The following RAB43 variants were observed in gnomAD, a reference collection of about 807,000 sequenced individuals.
The protein encoded by RAB43 is ras-related protein Rab-43.
In RAB43, 6 loss-of-function variants were observed where a neutral mutation model predicts 18.8. That is an observed-to-expected ratio of 0.32 (90% CI 0.17 to 0.63). The LOEUF (loss-of-function observed/expected upper bound fraction) is 0.63. RAB43 is among the 30% of genes least tolerant of loss of function. RAB43 has a pLI of 0.79. For synonymous variants in RAB43, 103 were observed against 124.1 expected (o/e 0.83, Z 1.13); for missense variants, 195 against 289.1 (o/e 0.67, Z 2.36).
In RAB43 at chr3:129,121,636, G is replaced by A; in HGVS notation, c.-147C>T. 1 of 571,834 alleles carries A rather than the reference G, an allele frequency of 1.7e-6. No homozygotes were observed. The highest frequency in any genetic ancestry group is 2.8e-6 in the Non-Finnish European group (1 of 358,594). The allele number at this position is 571,834 out of a possible 1,614,324, so 35.4% of individuals were successfully genotyped here. On this transcript the variant is annotated 5_prime_UTR_variant, in exon 1 of 3. Coordinates refer to ENST00000315150, the MANE Select transcript of RAB43 (RefSeq NM_198490.3). ...CAACACCTGAACCCCCAGCACTGCC[G>A]ACCGCCTGCCTCGGCCTCGGCCCCG...
chr3:129,097,982 G>C (rs1430229599), intron 1 of RAB43, among the ~76,000 whole-genome samples: 2 of 152,124 alleles, frequency 1.3e-5, no homozygotes, highest in Non-Finnish European at 2.9e-5. Flanking sequence ...AGAGATCAGG[G>C]TCTGGAGCAG....
At chr3:129,100,766 T>G (rs140454445) in intron 1 of RAB43, among the ~76,000 whole-genome samples, 1 of 152,218 alleles carries the variant, frequency 6.6e-6, no homozygotes, top group Non-Finnish European at 1.5e-5. Context: ...CATGACCTGA[T>G]GCTCTGTCAC....
chr3:129,121,068 G>C (rs1405365827), intron 1 of RAB43, among the ~76,000 whole-genome samples: 41 of 82,148 alleles, frequency 5.0e-4, no homozygotes, highest in African/African-American at 1.4e-3. Context: ...ACACTCCCTC[G>C]CCCCCCCCCC....
At chr3:129,114,151 A>C (rs1935345913) in intron 1 of RAB43, among the ~76,000 whole-genome samples, 1 of 152,214 alleles carries the variant, frequency 6.6e-6, no homozygotes, top group South Asian at 2.1e-4. Context: ...TCTGTCATTC[A>C]CACTGGCCAT....
intron 1 of RAB43, among the ~76,000 whole-genome samples, chr3:129,115,369 C>A (rs570812515): frequency 6.6e-6 from 1 of 151,464 alleles, no homozygotes; most frequent in East Asian, 1.9e-4. Flanking sequence ...CCAGGCACAG[C>A]GGTGCATGCC....
rs1252371954 is a variant in RAB43 at position 129,095,015 on chromosome 3, G to A, written c.359C>T (p.Ala120Val). The A allele has an allele frequency of 5.6e-6, 9 of 1,611,288 alleles. No homozygotes were observed. Among genetic ancestry groups the A allele is most frequent in the East Asian group, 2.2e-5 (1 of 44,864 alleles). Residue 120 changes from alanine (A) to valine (V), a missense_variant, in exon 2 of 3, where the codon GCG becomes GTG. Coordinates refer to ENST00000315150, the MANE Select transcript of RAB43 (RefSeq NM_198490.3). The surrounding 1 kb of genome is among the most constrained non-coding windows in gnomAD (Gnocchi z 4.2). ...CAGCAGCTGCACAATGTTGGAGCCCGCATACTTCCTCACATCCTCAATCCA... is the reference window on the plus strand; with the variant it reads ...CAGCAGCTGCACAATGTTGGAGCCCACATACTTCCTCACATCCTCAATCCA... ...PHWIEDVRKY[A>V]GSNIVQLLIG...
intron 1 of RAB43, among the ~76,000 whole-genome samples, chr3:129,114,043 AAAAG>A (rs1281520818): frequency 2.0e-5 from 3 of 152,160 alleles, no homozygotes; most frequent in Non-Finnish European, 2.9e-5. Flanking sequence ...AAAGAAAAAA[AAAAG>A]AAAGATCTGG....
At position 129,089,938 on chromosome 3, in the gene RAB43, C is replaced by G. The variant is rs182047592; in HGVS notation, c.*1158G>C. ...GCTGACACAGACGGACTGGGATTGG[C>G]TAAGGAAGATCACCTGGCCCCTCCA... On this transcript the variant is annotated 3_prime_UTR_variant, in exon 3 of 3. Transcript: ENST00000315150. The G allele has an allele frequency of 1.2e-4, 18 of 150,604 alleles. No homozygotes were observed. Among genetic ancestry groups the G allele is most frequent in the African/African-American group, 3.4e-4 (14 of 40,832 alleles). 9.3% of individuals were successfully genotyped at this position (150,604 alleles called of 1,614,324 possible).
chr3:129,092,828 C>T (rs959028278), intron 2 of RAB43, among the ~76,000 whole-genome samples: 4 of 151,184 alleles, frequency 2.6e-5, no homozygotes, highest in Non-Finnish European at 4.4e-5. Flanking sequence ...TGGTGGCGGG[C>T]GCCTGTGGTC....
In RAB43 at chr3:129,104,948, C is replaced by G. The variant is rs376868436; in HGVS notation, c.205-9779G>C. 4.6e-5 allele frequency among the ~76,000 whole-genome samples: 7 copies of G among 152,284 alleles called. No homozygotes were observed. The East Asian group carries it at 9.6e-4, about 21-fold the overall frequency. Reference sequence around the variant, plus strand: ...GGTCCAACCCTGAGCAGAATTAACTCTTCTTTCCTTCATGTTCCCATAGCT... The same window carrying G: ...GGTCCAACCCTGAGCAGAATTAACTGTTCTTTCCTTCATGTTCCCATAGCT... On this transcript the variant is annotated intron_variant, in intron 1 of 2. Transcript: ENST00000315150.
Position 129,087,685 on chromosome 3 carries a change from T to C in RAB43, c.*3411A>G, listed in dbSNP as rs1933432254. 1 of 151,742 alleles carries C rather than the reference T, an allele frequency of 6.6e-6. No individual in the cohort carries two copies. Among genetic ancestry groups the C allele is most frequent in the African/African-American group, 2.4e-5 (1 of 41,242 alleles). 9.4% of individuals were successfully genotyped at this position (151,742 alleles called of 1,614,324 possible). A position where few individuals can be genotyped will look rare whatever the true frequency, so the allele number is the denominator to read the frequency against. On this transcript the variant is annotated 3_prime_UTR_variant, in exon 3 of 3. Coordinates refer to ENST00000315150, the MANE Select transcript of RAB43 (RefSeq NM_198490.3). ...AAAATAGATTTGGTATAAAGATTTATATATTCATAAATAGGTGGCATGAAA... is the reference window on the plus strand; with the variant it reads ...AAAATAGATTTGGTATAAAGATTTACATATTCATAAATAGGTGGCATGAAA...
chr3:129,121,753 C>G lies in RAB43; in HGVS notation c.-264G>C. ...CGGCTCCCCCCCGGACCCGCCAAGCCGGGCCCTCCGCAAAGCTCCGGCCGG... is the reference window on the plus strand; with the variant it reads ...CGGCTCCCCCCCGGACCCGCCAAGCGGGGCCCTCCGCAAAGCTCCGGCCGG... On this transcript the variant is annotated 5_prime_UTR_variant, in exon 1 of 3. Coordinates refer to ENST00000315150, the MANE Select transcript of RAB43 (RefSeq NM_198490.3). 4.1e-6 allele frequency: 1 copy of G among 243,860 alleles called. No individual in the cohort carries two copies. The highest frequency in any genetic ancestry group is 7.8e-6 in the Non-Finnish European group (1 of 128,702). 15.1% of individuals were successfully genotyped at this position (243,860 alleles called of 1,614,324 possible).
At chr3:129,108,831 A>G (rs1576837298) in intron 1 of RAB43, among the ~76,000 whole-genome samples, 2 of 152,222 alleles carry the variant, frequency 1.3e-5, no homozygotes, top group East Asian at 3.9e-4. Flanking sequence ...CACCACCCTA[A>G]CCAGGTGATC....
chr3:129,113,251 C>T (rs911245791), intron 1 of RAB43, among the ~76,000 whole-genome samples: 17 of 151,754 alleles, frequency 1.1e-4, no homozygotes, highest in Admixed American at 2.0e-4. Flanking sequence ...CTGCAACCTC[C>T]GCCTCCCAGG....
rs532700926 is a variant in RAB43, at chr3:129,106,954, C to T, written c.205-11785G>A. On this transcript the variant is annotated intron_variant, in intron 1 of 2. Transcript: ENST00000315150. ...ATGAGGGATGGCCCTGTCAGCTTCT[C>T]GCAGTTCAAGTTTCCTCCCCAGTCA... Among the ~76,000 whole-genome samples the T allele has an allele frequency of 2.6e-5, 4 of 152,158 alleles. No individual in the cohort carries two copies. The East Asian group carries it at 7.7e-4, about 29-fold the overall frequency.
rs1933543979 is a variant in RAB43 at position 129,090,053 on chromosome 3, T to G, written c.*1043A>C. 6.9e-6 allele frequency: 1 copy of G among 143,886 alleles called. No homozygotes were observed. 8.9% of individuals were successfully genotyped at this position (143,886 alleles called of 1,614,324 possible). A position where few individuals can be genotyped will look rare whatever the true frequency, so the allele number is the denominator to read the frequency against. On this transcript the variant is annotated 3_prime_UTR_variant, in exon 3 of 3. Coordinates refer to ENST00000315150, the MANE Select transcript of RAB43 (RefSeq NM_198490.3). ...CTTCCCACATCCCCCTACCCCACTT[T>G]TGCCTTCTAACCTTGGTGCCCAGCT... is the stretch of plus-strand genomic sequence containing the variant.
chr3:129,108,577 T>C (rs775188553), intron 1 of RAB43, among the ~76,000 whole-genome samples: 5 of 152,190 alleles, frequency 3.3e-5, no homozygotes, highest in Non-Finnish European at 7.3e-5. Context: ...AAATAAACCA[T>C]GCACAAGTTG....
intron 1 of RAB43, among the ~76,000 whole-genome samples, chr3:129,119,177 C>T (rs932036211): frequency 6.6e-6 from 1 of 152,214 alleles, no homozygotes; most frequent in African/African-American, 2.4e-5. Flanking sequence ...AAAGACTACT[C>T]AGAGGCACTT....
At chr3:129,101,822 T>C (rs955100690) in intron 1 of RAB43, among the ~76,000 whole-genome samples, 15 of 152,170 alleles carry the variant, frequency 9.9e-5, no homozygotes, top group African/African-American at 3.6e-4. Flanking sequence ...CACTGGAGAT[T>C]GTCTCAGGCA....
Sources: gnomAD v4.1 joint callset for allele counts (sites outside exome capture counted in the v4.1 genomes callset) on GRCh38, gnomAD v4.1.1 for gene constraint, Gnocchi (gnomAD v3.1) non-coding constraint, MANE v1.5 for transcripts, NCBI Gene and HGNC (gene_info 2026-07-23, HGNC 2026-07-21) for gene names.